The following ZDHHC14 variants were observed in gnomAD, a reference collection of about 807,000 sequenced individuals.
The protein encoded by ZDHHC14 is palmitoyltransferase ZDHHC14.
A neutral mutation model predicts 47.7 loss-of-function variants in ZDHHC14; 16 were observed. The ratio of observed to expected loss-of-function variants is 0.34; its 90% confidence interval spans 0.23 to 0.51. ZDHHC14 has a LOEUF of 0.51. ZDHHC14 is among the 20% of genes least tolerant of loss of function. ZDHHC14 has a pLI of 0.97. For synonymous variants in ZDHHC14, 293 were observed against 278.9 expected, an observed-to-expected ratio of 1.05 and a Z score of -0.50; for missense variants, 515 against 662.5, an observed-to-expected ratio of 0.78 and a Z score of 2.44.
intron 2 of ZDHHC14, among the ~76,000 whole-genome samples, chr6:157,580,341 T>C (rs1378525313): frequency 6.6e-6 from 1 of 152,158 alleles, no homozygotes; most frequent in Non-Finnish European, 1.5e-5. Flanking sequence ...TCATTTGGGA[T>C]ATTGGCCTGG....
intron 1 of ZDHHC14, among the ~76,000 whole-genome samples, chr6:157,384,890 T>C (rs529782832): frequency 1.3e-5 from 2 of 152,316 alleles, no homozygotes; most frequent in African/African-American, 2.4e-5. Flanking sequence ...TTCCTCTAGT[T>C]ATGTGGTCCT....
chr6:157,540,974 G>A (rs1195973952), intron 1 of ZDHHC14, among the ~76,000 whole-genome samples: 1 of 148,896 alleles, frequency 6.7e-6, no homozygotes, highest in Non-Finnish European at 1.5e-5. Context: ...AATGTAGACT[G>A]TGTTTCTTTT....
chr6:157,500,028 T>C (rs1583713350), intron 1 of ZDHHC14, among the ~76,000 whole-genome samples: 1 of 148,976 alleles, frequency 6.7e-6, no homozygotes, highest in Middle Eastern at 3.4e-3. Flanking sequence ...CAGATTATTA[T>C]GACTGATAGA....
Position 157,673,040 on chromosome 6 carries a change from C to A in ZDHHC14, c.1385C>A (p.Thr462Asn). 1 of 1,566,742 alleles carries A rather than the reference C, an allele frequency of 6.4e-7. No homozygotes were observed. The highest frequency in any genetic ancestry group is 8.6e-7 in the Non-Finnish European group (1 of 1,163,158). ...GGCAGCCCCCTGGCGCACAGCCGCA[C>A]CATGCACGTGCTGGGCCTGGCCAGC... ...AAGSPLAHSR[T>N]MHVLGLASQD... The change falls in exon 9 of 9, where the codon ACC becomes AAC. Residue 462 changes from threonine to asparagine, a missense_variant. Coordinates refer to ENST00000359775, the MANE Select transcript of ZDHHC14 (RefSeq NM_024630.3). This position sits in a 1 kb window ranked among gnomAD's most constrained non-coding sequence, Gnocchi z 5.4.
chr6:157,512,738 A>C (rs984911960), intron 1 of ZDHHC14, among the ~76,000 whole-genome samples: 242 of 152,356 alleles, frequency 1.6e-3, no homozygotes, highest in Non-Finnish European at 4.3e-4. Flanking sequence ...ACTTGTCAAA[A>C]CAGATAAAAA....
intron 1 of ZDHHC14, among the ~76,000 whole-genome samples, chr6:157,434,247 A>ATGTTGAGT (rs1778397349): frequency 7.9e-6 from 1 of 126,038 alleles, no homozygotes; most frequent in African/African-American, 3.4e-5. Flanking sequence ...ATTCTTTTAT[A>ATGTTGAGT]TGTTGAGTTC....
At chr6:157,527,478 T>A (rs1046353478) in intron 1 of ZDHHC14, among the ~76,000 whole-genome samples, 1 of 152,178 alleles carries the variant, frequency 6.6e-6, no homozygotes, top group Non-Finnish European at 1.5e-5. Flanking sequence ...AGTCCTTTCA[T>A]CTTGCACCAT....
chr6:157,497,726 A>C (rs1780101214), intron 1 of ZDHHC14, among the ~76,000 whole-genome samples: 1 of 152,208 alleles, frequency 6.6e-6, no homozygotes, highest in South Asian at 2.1e-4. Flanking sequence ...TCAGTGAATT[A>C]GTTCTGGCTT....
rs1182501749 is a variant in ZDHHC14, at chr6:157,512,415, G to C, written c.246-30170G>C. Among the ~76,000 whole-genome samples, 9 of 152,354 alleles carry C rather than the reference G, an allele frequency of 5.9e-5. No homozygotes were observed. The East Asian group carries it at 1.5e-3, about 26-fold the overall frequency. ...TTGGCCATTTTCCGCCTTAGGATTG[G>C]AGTGAATCATCCTTCAAAGACAGAG... On this transcript the variant is annotated intron_variant, in intron 1 of 8. Transcript: ENST00000359775.
At chr6:157,412,562 G>A (rs1777891098) in intron 1 of ZDHHC14, among the ~76,000 whole-genome samples, 1 of 152,188 alleles carries the variant, frequency 6.6e-6, no homozygotes, top group Non-Finnish European at 1.5e-5. Context: ...CAAAGTGCTG[G>A]GATTACAGGT....
intron 8 of ZDHHC14, among the ~76,000 whole-genome samples, chr6:157,666,142 T>A (rs1476889663): frequency 6.6e-6 from 1 of 152,246 alleles, no homozygotes; most frequent in Non-Finnish European, 1.5e-5. Flanking sequence ...ATAATTTAAC[T>A]TTTGTATAGC....
chr6:157,592,641 G>A, intron 2 of ZDHHC14: 1 of 666,188 alleles, frequency 1.5e-6, no homozygotes, highest in Middle Eastern at 6.3e-4. Context: ...CTCCCCAGCT[G>A]TGTCTCCCAA....
rs182089250 is a variant in ZDHHC14 at position 157,410,254 on chromosome 6, C to T, written c.245+27988C>T. ...TTTTTCATGGATTCTCTCTGGTCAG[C>T]CAAGCTGCAGTCAAAACATGCATTG... On this transcript the variant is annotated intron_variant, in intron 1 of 8. Transcript: ENST00000359775. Among the ~76,000 whole-genome samples the T allele has an allele frequency of 3.9e-3, 600 of 152,166 alleles. 3 individuals are homozygous for T. Among genetic ancestry groups the T allele is most frequent in the Non-Finnish European group, 4.5e-3 (304 of 68,008 alleles).
intron 2 of ZDHHC14, among the ~76,000 whole-genome samples, chr6:157,581,405 G>T (rs925840039): frequency 2.6e-5 from 4 of 151,872 alleles, no homozygotes; most frequent in Admixed American, 2.6e-4. Flanking sequence ...CTTGTTTTGG[G>T]GTAGAGAGTT....
intron 1 of ZDHHC14, among the ~76,000 whole-genome samples, chr6:157,540,908 G>GTATATATATATATATATATATA (rs1200618040): frequency 6.1e-5 from 8 of 131,524 alleles, no homozygotes; most frequent in African/African-American, 3.1e-4. Context: ...GTGTGTGTGT[G>GTATATATATATATATATATATA]TGTATATATA....
chr6:157,422,787 T>G (rs1166767481), intron 1 of ZDHHC14, among the ~76,000 whole-genome samples: 2 of 152,180 alleles, frequency 1.3e-5, no homozygotes, highest in Non-Finnish European at 2.9e-5. Context: ...TTCTGTGCTT[T>G]TTATATTTTT....
At chr6:157,531,856 G>C (rs918212443) in intron 1 of ZDHHC14, among the ~76,000 whole-genome samples, 1 of 152,234 alleles carries the variant, frequency 6.6e-6, no homozygotes, top group African/African-American at 2.4e-5. Context: ...CTGCATCTTC[G>C]TAACGCCGAA....
chr6:157,400,352 G>A (rs1032754878), intron 1 of ZDHHC14, among the ~76,000 whole-genome samples: 1 of 152,166 alleles, frequency 6.6e-6, no homozygotes, highest in African/African-American at 2.4e-5. Context: ...CAGTGGGGTT[G>A]ATGACTGGAT....
intron 2 of ZDHHC14, among the ~76,000 whole-genome samples, chr6:157,546,970 G>A (rs910310158): frequency 5.9e-5 from 9 of 152,220 alleles, no homozygotes; most frequent in East Asian, 1.9e-4. Flanking sequence ...TTTAGGAAGC[G>A]CCTCTTCCAA....
Sources: gnomAD v4.1 joint callset for allele counts (sites outside exome capture counted in the v4.1 genomes callset) on GRCh38, gnomAD v4.1.1 for gene constraint, Gnocchi (gnomAD v3.1) non-coding constraint, MANE v1.5 for transcripts, NCBI Gene and HGNC (gene_info 2026-07-23, HGNC 2026-07-21) for gene names.